OVCH1: variants seen among roughly 807,000 people sequenced by gnomAD.
OVCH1 encodes the protein ovochymase 1.
In OVCH1, 139 loss-of-function variants were observed where a neutral mutation model predicts 138.4. The observed-to-expected ratio is 1.00, with a 90% confidence interval of 0.87 to 1.16. The LOEUF (loss-of-function observed/expected upper bound fraction) is 1.16, where lower values mean the gene tolerates loss of function less well. Ranked by LOEUF, OVCH1 falls within the 50% of genes most tolerant of loss-of-function variation. The pLI is 0.00. For synonymous variants in OVCH1, 453 were observed against 467.8 expected, an observed-to-expected ratio of 0.97 and a Z score of 0.41; for missense variants, 1,367 against 1,357.9, an observed-to-expected ratio of 1.01 and a Z score of -0.11.
intron 6 of OVCH1, among the ~76,000 whole-genome samples, chr12:29,488,926 ATCGCC>A (rs1415930129): frequency 6.6e-6 from 1 of 152,178 alleles, no homozygotes; most frequent in Non-Finnish European, 1.5e-5. Flanking sequence ...AACTCCTGTC[ATCGCC>A]TCGAAGAAAA....
intron 13 of OVCH1, among the ~76,000 whole-genome samples, chr12:29,475,571 C>T (rs190265043): frequency 2.6e-5 from 4 of 152,182 alleles, no homozygotes; most frequent in African/African-American, 9.6e-5. Context: ...TTCATGAAAA[C>T]CTCACACTAT....
chr12:29,409,410 T>C (rs972074712), downstream of OVCH1, among the ~76,000 whole-genome samples: 2 of 152,146 alleles, frequency 1.3e-5, no homozygotes, highest in Admixed American at 6.5e-5. Context: ...AGGGTGTCAA[T>C]TTTGGATCTT....
chr12:29,405,683 G>A, the OVCH1 span, among the ~76,000 whole-genome samples: 1 of 152,050 alleles, frequency 6.6e-6, no homozygotes, highest in Non-Finnish European at 1.5e-5. Context: ...TCTTCACTAC[G>A]GTTCTAGGAT....
chr12:29,465,110 A>G (rs1487164666), intron 17 of OVCH1, 37 bp downstream of exon 17: 1 of 1,523,222 alleles, frequency 6.6e-7, no homozygotes, highest in Admixed American at 1.9e-5. Flanking sequence ...CAACATTTAG[A>G]TTACAGGCAG....
At position 29,463,855 on chromosome 12, in the gene OVCH1, T is replaced by C. The variant is rs944433188; in HGVS notation, c.2125+652A>G. On this transcript the variant is annotated intron_variant, in intron 18 of 27. Coordinates refer to ENST00000318184, the Ensembl canonical transcript of OVCH1. ...GCTCACAGATTCCAAATAAATGACA[T>C]ATAGAAAGGAAATATACAAAGAAAA... Among the ~76,000 whole-genome samples, 4 of 152,240 alleles carry C rather than the reference T, an allele frequency of 2.6e-5. No individual in the cohort carries two copies. The East Asian group carries it at 7.7e-4, about 29-fold the overall frequency.
chr12:29,427,486 G>T, downstream of OVCH1: 1 of 1,526,940 alleles, frequency 6.5e-7, no homozygotes, highest in South Asian at 1.2e-5. Context: ...GCATTTGAAT[G>T]ATTGAGGACG....
chr12:29,475,050 T>C lies in OVCH1; in HGVS notation c.1600+11A>G, dbSNP rs1942654763. ...AACAAAAGTCCTTATTACACAAATG[T>C]TTATACTCACCTGAGGGCAAAATGG... is the stretch of plus-strand genomic sequence containing the variant. On this transcript the variant is annotated intron_variant, in intron 14 of 27. Transcript: ENST00000318184. 1 of 1,577,860 alleles carries C rather than the reference T, an allele frequency of 6.3e-7. No individual in the cohort carries two copies. The highest frequency in any genetic ancestry group is 1.4e-5 in the African/African-American group (1 of 73,952).
At chr12:29,442,403 T>A (rs11050233) in intron 25 of OVCH1, among the ~76,000 whole-genome samples, 101,813 of 133,814 alleles carry the variant, frequency 0.76, 38,955 homozygotes, top group Middle Eastern at 0.87. Flanking sequence ...ATTCTCACTC[T>A]TAGGTGGGAA....
intron 22 of OVCH1, among the ~76,000 whole-genome samples, chr12:29,449,429 T>C (rs1207192258): frequency 2.0e-5 from 3 of 152,184 alleles, no homozygotes; most frequent in South Asian, 2.1e-4. Context: ...GGGGATAGCA[T>C]TGAATCTATA....
At chr12:29,467,647 C>T (rs973720441) in intron 16 of OVCH1, among the ~76,000 whole-genome samples, 6 of 152,076 alleles carry the variant, frequency 3.9e-5, no homozygotes, top group Admixed American at 6.6e-5. Flanking sequence ...AAATTTTAGA[C>T]AAAAGATTCA....
intron 16 of OVCH1, among the ~76,000 whole-genome samples, chr12:29,468,329 CA>C (rs1421028593): frequency 6.6e-6 from 1 of 151,950 alleles, no homozygotes; most frequent in Admixed American, 6.6e-5. Flanking sequence ...ATTAAGAAGT[CA>C]AAAATGAAAT....
chr12:29,440,979 T>C (rs1941470298), intron 25 of OVCH1, among the ~76,000 whole-genome samples: 1 of 152,190 alleles, frequency 6.6e-6, no homozygotes, highest in Non-Finnish European at 1.5e-5. Flanking sequence ...GTATCCTTGA[T>C]TAAGTAAACT....
intron 16 of OVCH1, among the ~76,000 whole-genome samples, chr12:29,467,515 T>C (rs1942361914): frequency 1.3e-5 from 2 of 152,280 alleles, no homozygotes; most frequent in South Asian, 2.1e-4. Context: ...TCATTTCTTA[T>C]AGTCTTAGGA....
chr12:29,440,816 G>A, intron 25 of OVCH1, 72 bp from the exon 26 acceptor site: 1 of 445,834 alleles, frequency 2.2e-6, no homozygotes, highest in South Asian at 1.6e-5. Context: ...GAATAAAAAA[G>A]ACAGCAGTTT....
chr12:29,413,308 G>T (rs1382733319), intron 3 of OVCH1, among the ~76,000 whole-genome samples: 1 of 152,118 alleles, frequency 6.6e-6, no homozygotes, highest in Non-Finnish European at 1.5e-5. Context: ...CCTACACTCA[G>T]ATGTGAAGCT....
chr12:29,464,705 G>C lies in OVCH1; in HGVS notation c.1930-3C>G. 1.9e-6 allele frequency: 3 copies of C among 1,601,654 alleles called. No individual in the cohort carries two copies. The highest frequency in any genetic ancestry group is 1.7e-6 in the Non-Finnish European group (2 of 1,174,286). On this transcript the variant is annotated splice_polypyrimidine_tract_variant and splice_region_variant and intron_variant, in intron 17 of 27. Transcript: ENST00000318184. Reference sequence around the variant, plus strand: ...ATTATGTGTTTGGCCCTTCTCACCTGTATCGGTGGCAAGTAAGCAAATTAC... The same window carrying C: ...ATTATGTGTTTGGCCCTTCTCACCTCTATCGGTGGCAAGTAAGCAAATTAC...
At chr12:29,437,179 A>C (rs575526218) in intron 26 of OVCH1, among the ~76,000 whole-genome samples, 1 of 152,350 alleles carries the variant, frequency 6.6e-6, no homozygotes, top group South Asian at 2.1e-4. Context: ...AGCTAGACAC[A>C]GAACGCCAAC....
downstream of OVCH1, among the ~76,000 whole-genome samples, chr12:29,411,126 G>A (rs1362320024): frequency 2.0e-5 from 2 of 99,006 alleles, no homozygotes; most frequent in African/African-American, 5.5e-5. Flanking sequence ...CATTCTTCCC[G>A]TAGTTCTCGA....
At chr12:29,475,479 A>C (rs919683645) in intron 13 of OVCH1, among the ~76,000 whole-genome samples, 1 of 152,128 alleles carries the variant, frequency 6.6e-6, no homozygotes. Context: ...GGTTTAAAAA[A>C]AAAAACACCC....
Sources: gnomAD v4.1 joint callset for allele counts (sites outside exome capture counted in the v4.1 genomes callset) on GRCh38, gnomAD v4.1.1 for gene constraint, MANE v1.5 for transcripts, NCBI Gene and HGNC (gene_info 2026-07-23, HGNC 2026-07-21) for gene names.